Variants in YIF1B observed in about 807,000 individuals in gnomAD.
The protein encoded by YIF1B is protein YIF1B.
YIF1B carries 24 observed loss-of-function variants against 34.6 expected under a neutral mutation model. The observed-to-expected ratio is 0.69, with a 90% CI of 0.50 to 0.98. The LOEUF is 0.98. Ranked by LOEUF, YIF1B falls within the 50% of genes least tolerant of loss-of-function variation. The pLI is 0.00. For synonymous variants in YIF1B, 186 were observed against 184.8 expected, an observed-to-expected ratio of 1.01 and a Z score of -0.05; for missense variants, 368 against 429.4, an observed-to-expected ratio of 0.86 and a Z score of 1.26.
At chr19:38,319,120 C>CT (rs1171719729), upstream of YIF1B, among the ~76,000 whole-genome samples, 1 of 151,826 alleles carries the variant, frequency 6.6e-6, no homozygotes, top group Non-Finnish European at 1.5e-5. Flanking sequence ...TCTGGGCTGT[C>CT]TTTTTTCTTT....
In YIF1B at chr19:38,304,850, C is replaced by T. The variant is rs1196226004; in HGVS notation, c.*502G>A. On this transcript the variant is annotated 3_prime_UTR_variant, in exon 8 of 8. Coordinates refer to ENST00000339413, the MANE Select transcript of YIF1B (RefSeq NM_001039672.3). Reference sequence around the variant, plus strand: ...CCCTGCCCTCGGCCCCACAGTCCCACGCTGCTGGCTCCAAGCAGCACGAGA... The same window carrying T: ...CCCTGCCCTCGGCCCCACAGTCCCATGCTGCTGGCTCCAAGCAGCACGAGA... 5 of 1,613,736 alleles carry T rather than the reference C, an allele frequency of 3.1e-6. No individual in the cohort carries two copies. The highest frequency in any genetic ancestry group is 1.1e-5 in the South Asian group (1 of 91,078).
In YIF1B at chr19:38,305,197, C is replaced by A. The variant is rs577986573; in HGVS notation, c.*155G>T. ...CTGTGCAGCTGGAGATCTCTCAGCA[C>A]CTTGGGTTGGGGGCGGGGCTGGGCG... On this transcript the variant is annotated 3_prime_UTR_variant, in exon 8 of 8. Transcript: ENST00000339413. 9 of 1,405,298 alleles carry A rather than the reference C, an allele frequency of 6.4e-6. No individual in the cohort carries two copies. In the South Asian group the frequency reaches 1.3e-4, roughly 21 times the overall value. 87.1% of individuals were successfully genotyped at this position (1,405,298 alleles called of 1,614,324 possible). A position where few individuals can be genotyped will look rare whatever the true frequency, so the allele number is the denominator to read the frequency against.
Position 38,304,950 on chromosome 19 carries a change from G to GGC in YIF1B, c.*401_*402insGC. The stretch of plus-strand genomic sequence containing the variant: ...CAAGAAGGAGAAGGGCAAGAAGAAG[G>GGC]AGGCTCCCCACTGAAGGGCCCTGGA... On this transcript the variant is annotated 3_prime_UTR_variant, in exon 8 of 8. Transcript: ENST00000339413. The GGC allele has an allele frequency of 6.7e-7, 1 of 1,492,316 alleles. No homozygotes were observed. Among genetic ancestry groups the GGC allele is most frequent in the Non-Finnish European group, 9.0e-7 (1 of 1,111,634 alleles). The allele number at this position is 1,492,316 out of a possible 1,614,324, so 92.4% of individuals were successfully genotyped here.
At chr19:38,307,094 G>T in intron 7 of YIF1B, 1 of 503,604 alleles carries the variant, frequency 2.0e-6, no homozygotes, top group Non-Finnish European at 4.0e-6. Flanking sequence ...TGACTCCAGT[G>T]GGAAGGGCTC....
In YIF1B at chr19:38,309,598, G is replaced by C; in HGVS notation, c.104C>G (p.Pro35Arg). ...ACTTGTGTCATCGAAAAGCTGGTGG[G>C]GGTCGGCCATGCCCGGCTGGGACAC... ...IPVSQPGMAD[P>R]HQLFDDTSSA... is the part of the protein sequence containing the mutation. Residue 35 changes from proline to arginine, a missense_variant, in exon 2 of 8, where the codon CCC becomes CGC. This residue lies in a region of YIF1B where 153 missense variants were observed against 156.7 expected (regional missense o/e 0.98). Transcript: ENST00000339413. 1 of 1,599,260 alleles carries C rather than the reference G, an allele frequency of 6.3e-7. No homozygotes were observed. Among genetic ancestry groups the C allele is most frequent in the South Asian group, 1.1e-5 (1 of 88,856 alleles).
intron 1 of YIF1B, among the ~76,000 whole-genome samples, chr19:38,312,387 C>T (rs1488552856): frequency 6.6e-6 from 1 of 152,084 alleles, no homozygotes; most frequent in Non-Finnish European, 1.5e-5. Flanking sequence ...TGCACTCCAG[C>T]CTGGGCGACA....
At chr19:38,311,268 C>T (rs1969316224) in intron 1 of YIF1B, among the ~76,000 whole-genome samples, 1 of 150,934 alleles carries the variant, frequency 6.6e-6, no homozygotes, top group Admixed American at 6.6e-5. Flanking sequence ...GCCTGGGCAA[C>T]ACAGTGAGAC....
In YIF1B at chr19:38,305,060, T is replaced by C. The variant is rs2146291908; in HGVS notation, c.*292A>G. 6.5e-7 allele frequency: 1 copy of C among 1,528,070 alleles called. No homozygotes were observed. Among genetic ancestry groups the C allele is most frequent in the Non-Finnish European group, 8.8e-7 (1 of 1,134,714 alleles). 94.7% of individuals were successfully genotyped at this position (1,528,070 alleles called of 1,614,324 possible). ...GGCCCGTCCCCAGCTCCCTGCCCCC[T>C]GCCCAGCGCTGGGCCCGCCCATTCG... On this transcript the variant is annotated 3_prime_UTR_variant, in exon 8 of 8. Coordinates refer to ENST00000339413, the MANE Select transcript of YIF1B (RefSeq NM_001039672.3).
chr19:38,315,454 AC>A, intron 1 of YIF1B: 1 of 1,333,432 alleles, frequency 7.5e-7, no homozygotes, highest in Non-Finnish European at 9.6e-7. Context: ...AAGGGGGCCA[AC>A]AGCACAATAC....
In YIF1B at chr19:38,305,106, C is replaced by T. The variant is rs1968944256; in HGVS notation, c.*246G>A. The T allele has an allele frequency of 6.2e-6, 9 of 1,462,132 alleles. No individual in the cohort carries two copies. Among genetic ancestry groups the T allele is most frequent in the Non-Finnish European group, 8.2e-6 (9 of 1,095,200 alleles). The allele number at this position is 1,462,132 out of a possible 1,614,324, so 90.6% of individuals were successfully genotyped here. ...ATTCGTGCGCGAGGCCAAGGAGAGGCTGTCCACGCCATGCCCATCAGGGTT... is the reference window on the plus strand; with the variant it reads ...ATTCGTGCGCGAGGCCAAGGAGAGGTTGTCCACGCCATGCCCATCAGGGTT... On this transcript the variant is annotated 3_prime_UTR_variant, in exon 8 of 8. Transcript: ENST00000339413.
At chr19:38,319,483 G>A (rs574327055), upstream of YIF1B, among the ~76,000 whole-genome samples, 1 of 152,342 alleles carries the variant, frequency 6.6e-6, no homozygotes, top group East Asian at 1.9e-4. Flanking sequence ...GGCGAATGGA[G>A]CGAGAATTGG....
At chr19:38,317,561 GT>G (rs764270669), upstream of YIF1B, among the ~76,000 whole-genome samples, 171 of 147,740 alleles carry the variant, frequency 1.2e-3, no homozygotes, top group African/African-American at 3.6e-3. Context: ...TTCCATAAAT[GT>G]TTTTTTTTTT....
In YIF1B at chr19:38,305,432, G is replaced by C. The variant is rs768651963; in HGVS notation, c.865C>G (p.Leu289Val). Reference protein sequence around the residue: ...GVPVRGARNQLRMYLTMAVAA... With the variant: ...GVPVRGARNQVRMYLTMAVAA... ...ACCGCCATGGTCAGGTACATGCGCA[G>C]CTGGTTCCGGGCCCCACGCACCGGG... Residue 289 changes from leucine (L) to valine (V), a missense_variant, in exon 8 of 8, where the codon CTG (leucine) becomes GTG (valine). Leu to Val is a conservative substitution (Grantham distance 32). This residue lies in a region of YIF1B where 208 missense variants were observed against 247.8 expected (regional missense o/e 0.84). Transcript: ENST00000339413. 3.1e-6 allele frequency: 5 copies of C among 1,610,642 alleles called. No homozygotes were observed. In the South Asian group the frequency reaches 4.4e-5, roughly 14 times the overall value.
At chr19:38,321,820 C>A (rs1969655272), upstream of YIF1B, among the ~76,000 whole-genome samples, 4 of 152,340 alleles carry the variant, frequency 2.6e-5, no homozygotes, top group South Asian at 8.3e-4. Context: ...CATGTGCACG[C>A]CTCCTACCTC....
chr19:38,312,064 C>T (rs1415379486), intron 1 of YIF1B, among the ~76,000 whole-genome samples: 1 of 152,048 alleles, frequency 6.6e-6, no homozygotes, highest in Non-Finnish European at 1.5e-5. Context: ...GATCGCGCCA[C>T]TGCACTCCAG....
intron 1 of YIF1B, chr19:38,310,025 T>G: frequency 7.0e-6 from 2 of 287,186 alleles, no homozygotes; most frequent in Non-Finnish European, 1.2e-5. Context: ...TCTAGCCAAC[T>G]ATCCATCCAC....
intron 7 of YIF1B, among the ~76,000 whole-genome samples, chr19:38,306,204 CAAAAAAAAAAAAAA>C (rs1174694534): frequency 3.5e-5 from 1 of 28,682 alleles, no homozygotes; most frequent in Non-Finnish European, 6.5e-5. Context: ...CTCTGTCTCA[CAAAAAAAAAAAAAA>C]AAAAAAAAAA....
upstream of YIF1B, among the ~76,000 whole-genome samples, chr19:38,319,008 G>GC (rs1487292814): frequency 6.6e-6 from 1 of 152,086 alleles, no homozygotes; most frequent in African/African-American, 2.4e-5. Context: ...ACCTCCCTAG[G>GC]CAGGGGTGGT....
chr19:38,320,995 C>G (rs1185305411), upstream of YIF1B, among the ~76,000 whole-genome samples: 2 of 152,002 alleles, frequency 1.3e-5, no homozygotes, highest in Admixed American at 1.3e-4. Context: ...CCTCTGGACC[C>G]AGAACTCAAC....
Sources: allele counts gnomAD v4.1 joint callset (sites outside exome capture counted in the v4.1 genomes callset), GRCh38; gene constraint gnomAD v4.1.1; regional missense constraint gnomAD v4.1.1; transcripts MANE v1.5; gene names NCBI Gene and HGNC (gene_info 2026-07-23, HGNC 2026-07-21).